The following TMEM117 variants were observed in gnomAD, a reference collection of about 807,000 sequenced individuals.
The protein encoded by TMEM117 is transmembrane protein 117.
A neutral mutation model predicts 52.4 loss-of-function variants in TMEM117; 27 were observed. The observed-to-expected ratio is 0.51, with a 90% CI of 0.38 to 0.71. The LOEUF is 0.71. Among genes scored for constraint, TMEM117 ranks in the 30% least tolerant of loss-of-function variants. The pLI, the probability that TMEM117 is intolerant of heterozygous loss-of-function variation, is 0.00. For missense variants in TMEM117, 556 were observed against 630.5 expected (o/e 0.88, Z 1.26); for synonymous variants, 215 against 206.3 (o/e 1.04, Z -0.36).
chr12:44,000,837 A>G (rs1394504393), intron 3 of TMEM117, among the ~76,000 whole-genome samples: 7 of 152,192 alleles, frequency 4.6e-5, no homozygotes, highest in Non-Finnish European at 8.8e-5. Context: ...GCCAACAGGT[A>G]GCAAAGTGGA....
chr12:44,004,676 AC>A (rs1291721987), intron 3 of TMEM117, among the ~76,000 whole-genome samples: 2 of 151,932 alleles, frequency 1.3e-5, no homozygotes, highest in Non-Finnish European at 2.9e-5. Flanking sequence ...TTTCATTTCT[AC>A]TTTATTGGCT....
At chr12:43,894,088 T>TACTTCCA (rs1256974527) in intron 2 of TMEM117, among the ~76,000 whole-genome samples, 3 of 152,206 alleles carry the variant, frequency 2.0e-5, no homozygotes, top group African/African-American at 7.2e-5. Flanking sequence ...TGGTACTGTA[T>TACTTCCA]TGGTCACTGA....
intron 5 of TMEM117, among the ~76,000 whole-genome samples, chr12:44,228,173 A>G (rs1440392236): frequency 6.6e-6 from 1 of 152,090 alleles, no homozygotes; most frequent in Admixed American, 6.6e-5. Flanking sequence ...TTTCAATTAC[A>G]TTTTTAAAGA....
At chr12:44,115,292 A>T (rs1331798200) in intron 3 of TMEM117, among the ~76,000 whole-genome samples, 7 of 152,076 alleles carry the variant, frequency 4.6e-5, no homozygotes, top group Non-Finnish European at 1.0e-4. Flanking sequence ...GGAACATCAC[A>T]CACTGGGGCC....
At chr12:43,975,576 C>T (rs1224622622) in intron 3 of TMEM117, among the ~76,000 whole-genome samples, 5 of 152,152 alleles carry the variant, frequency 3.3e-5, no homozygotes, top group African/African-American at 9.7e-5. Context: ...CAGGCTTTCT[C>T]GCTCCAGAGA....
At chr12:44,099,526 T>G (rs1472838435) in intron 3 of TMEM117, among the ~76,000 whole-genome samples, 1 of 152,050 alleles carries the variant, frequency 6.6e-6, no homozygotes, top group Non-Finnish European at 1.5e-5. Flanking sequence ...CTTTAAAACT[T>G]TTTGTTTTGT....
chr12:44,022,924 C>T lies in TMEM117; in HGVS notation c.410+78582C>T, dbSNP rs527425860. On this transcript the variant is annotated intron_variant, in intron 3 of 7. Transcript: ENST00000266534. ...AGTGGATTACATCAATGAGGTCTGG[C>T]GTCTAATCAAAAACTGCAAATAAAG... Among the ~76,000 whole-genome samples, 52 of 152,218 alleles carry T rather than the reference C, an allele frequency of 3.4e-4. 2 individuals carry two copies. Among genetic ancestry groups the T allele is most frequent in the African/African-American group, 1.2e-3 (48 of 41,562 alleles).
chr12:44,376,574 T>C (rs1951943860), intron 6 of TMEM117, 21 bp from the exon 7 acceptor site: 1 of 1,585,384 alleles, frequency 6.3e-7, no homozygotes, highest in Non-Finnish European at 8.6e-7. Flanking sequence ...ACAAATGTTT[T>C]TATTTGATTT....
chr12:44,237,086 T>C (rs1331107336), intron 5 of TMEM117, among the ~76,000 whole-genome samples: 1 of 152,080 alleles, frequency 6.6e-6, no homozygotes, highest in Non-Finnish European at 1.5e-5. Context: ...CCTTGTTAGC[T>C]CTTTGATGCT....
chr12:44,016,550 C>T (rs12303447), intron 3 of TMEM117, among the ~76,000 whole-genome samples: 439 of 152,294 alleles, frequency 2.9e-3, no homozygotes, highest in African/African-American at 9.5e-3. Flanking sequence ...GCTTTCACTA[C>T]GTAAGTCTAC....
chr12:43,901,834 A>G (rs1293408585), intron 2 of TMEM117, among the ~76,000 whole-genome samples: 2 of 152,212 alleles, frequency 1.3e-5, no homozygotes, highest in African/African-American at 2.4e-5. Flanking sequence ...TGTTTGCCTA[A>G]TGTTTTTTTC....
At chr12:44,376,205 C>T (rs1387545834) in intron 6 of TMEM117, among the ~76,000 whole-genome samples, 1 of 152,146 alleles carries the variant, frequency 6.6e-6, no homozygotes, top group Non-Finnish European at 1.5e-5. Context: ...CTATAAGGTT[C>T]ATACTTTTTA....
At chr12:44,053,174 G>C (rs1201944885) in intron 3 of TMEM117, among the ~76,000 whole-genome samples, 1 of 152,138 alleles carries the variant, frequency 6.6e-6, no homozygotes, top group Non-Finnish European at 1.5e-5. Context: ...ATGCGAGCTG[G>C]ACATCCTAGG....
chr12:44,114,298 A>T (rs1276020942), intron 3 of TMEM117, among the ~76,000 whole-genome samples: 1 of 152,190 alleles, frequency 6.6e-6, no homozygotes, highest in Non-Finnish European at 1.5e-5. Flanking sequence ...TTACTCCTTT[A>T]TATCCATCTT....
chr12:44,311,389 GA>G (rs1950972948), intron 6 of TMEM117, among the ~76,000 whole-genome samples: 1 of 152,124 alleles, frequency 6.6e-6, no homozygotes, highest in Admixed American at 6.5e-5. Flanking sequence ...AATGTGTCTA[GA>G]AAAAAGATAA....
intron 6 of TMEM117, among the ~76,000 whole-genome samples, chr12:44,374,078 G>A (rs1209199896): frequency 6.6e-6 from 1 of 151,982 alleles, no homozygotes; most frequent in African/African-American, 2.4e-5. Flanking sequence ...CAACACGCCT[G>A]GCCAGGATGT....
At chr12:44,339,242 T>A (rs1951383912) in intron 6 of TMEM117, among the ~76,000 whole-genome samples, 1 of 152,088 alleles carries the variant, frequency 6.6e-6, no homozygotes, top group South Asian at 2.1e-4. Flanking sequence ...TGGGTAAACA[T>A]CTGCTTGCTA....
chr12:44,166,687 T>C (rs557185877), intron 4 of TMEM117, among the ~76,000 whole-genome samples: 12 of 152,320 alleles, frequency 7.9e-5, no homozygotes, highest in African/African-American at 2.6e-4. Flanking sequence ...AAAATGATTA[T>C]ATTTATTAGT....
intron 4 of TMEM117, among the ~76,000 whole-genome samples, chr12:44,199,724 G>A (rs765672975): frequency 2.0e-5 from 3 of 152,146 alleles, no homozygotes; most frequent in Non-Finnish European, 4.4e-5. Flanking sequence ...ATATTTTGCT[G>A]TAATTTTCAT....
Sources: allele counts gnomAD v4.1 joint callset (sites outside exome capture counted in the v4.1 genomes callset), GRCh38; gene constraint gnomAD v4.1.1; transcripts MANE v1.5; gene names NCBI Gene and HGNC (gene_info 2026-07-23, HGNC 2026-07-21).